HEPHL1: variants seen among roughly 807,000 people sequenced by gnomAD.
HEPHL1 encodes hephaestin like 1, also known as ferroxidase HEPHL1.
HEPHL1 carries 123 observed loss-of-function variants against 122.0 expected under a neutral mutation model. The ratio of observed to expected loss-of-function variants is 1.01; its 90% CI spans 0.87 to 1.17. The LOEUF (loss-of-function observed/expected upper bound fraction) is 1.17. Among genes scored for constraint, HEPHL1 ranks in the 50% most tolerant of loss-of-function variants. HEPHL1 has a pLI of 0.00. For missense variants in HEPHL1, 1,452 were observed against 1,430.5 expected (o/e 1.01, Z -0.24); for synonymous variants, 527 against 508.9 (o/e 1.04, Z -0.48).
At chr11:94,035,345 T>C (rs954534236) in intron 1 of HEPHL1, among the ~76,000 whole-genome samples, 1 of 152,230 alleles carries the variant, frequency 6.6e-6, no homozygotes, top group Non-Finnish European at 1.5e-5. Flanking sequence ...TTTTTTATTA[T>C]TGTACTCAAA....
At chr11:94,093,444 C>A in intron 12 of HEPHL1, 57 bp from the exon 13 acceptor site, 1 of 1,595,134 alleles carries the variant, frequency 6.3e-7, no homozygotes, top group Non-Finnish European at 8.6e-7. Flanking sequence ...CACTTAGAAG[C>A]GCTCAAAGCT....
intron 4 of HEPHL1, among the ~76,000 whole-genome samples, chr11:94,065,873 T>G (rs1328655216): frequency 6.6e-6 from 1 of 152,164 alleles, no homozygotes. Flanking sequence ...TAAGCAAACA[T>G]AGATTACATG....
chr11:94,048,405 G>A (rs1223138505), intron 2 of HEPHL1, among the ~76,000 whole-genome samples: 2 of 152,078 alleles, frequency 1.3e-5, no homozygotes, highest in Admixed American at 6.5e-5. Flanking sequence ...TGTCACTCAG[G>A]CTGGAGTGCA....
intron 9 of HEPHL1, among the ~76,000 whole-genome samples, chr11:94,076,491 C>T (rs1159484671): frequency 6.6e-6 from 1 of 152,048 alleles, no homozygotes; most frequent in Non-Finnish European, 1.5e-5. Context: ...GCTAATTTTG[C>T]CCCCGCTGTG....
intron 1 of HEPHL1, among the ~76,000 whole-genome samples, chr11:94,027,817 G>T (rs1260065439): frequency 2.0e-5 from 3 of 152,192 alleles, no homozygotes; most frequent in Non-Finnish European, 4.4e-5. Flanking sequence ...CATAGGTGGT[G>T]CCAGGGACCC....
At position 94,070,512 on chromosome 11, in the gene HEPHL1, T is replaced by A; in HGVS notation, c.1202T>A (p.Phe401Tyr). The change falls in exon 6 of 20, where the codon TTC (phenylalanine) becomes TAC (tyrosine). Residue 401 changes from phenylalanine to tyrosine, a missense_variant. Physicochemically the swap from Phe to Tyr is conservative, Grantham distance 22. Transcript: ENST00000315765. Reference protein sequence around the residue: ...WDYAPQGYNKFSGLPLNASGS... With the variant: ...WDYAPQGYNKYSGLPLNASGS... Reference sequence around the variant, plus strand: ...TATGCTCCTCAAGGCTATAACAAATTCAGTGGTCTTCCTCTAAACGCCTCT... The same window carrying A: ...TATGCTCCTCAAGGCTATAACAAATACAGTGGTCTTCCTCTAAACGCCTCT... The A allele has an allele frequency of 6.2e-7, 1 of 1,611,198 alleles. No individual in the cohort carries two copies. Among genetic ancestry groups the A allele is most frequent in the East Asian group, 2.2e-5 (1 of 44,814 alleles).
In HEPHL1 at chr11:94,067,527, G is replaced by C; in HGVS notation, c.840G>C (p.Pro280=). ...ALNGYLFGNF[P]EPDMCVGESV... ...ATGGATACCTCTTCGGAAACTTCCC[G>C]GAGCCTGATATGTGTGTTGGAGAAT... The change falls in exon 5 of 20, where the codon CCG becomes CCC. Residue 280 remains proline (P), a synonymous_variant. Coordinates refer to ENST00000315765, the MANE Select transcript of HEPHL1 (RefSeq NM_001098672.2). The C allele has an allele frequency of 6.2e-7, 1 of 1,613,534 alleles. No homozygotes were observed. The highest frequency in any genetic ancestry group is 8.5e-7 in the Non-Finnish European group (1 of 1,179,616).
intron 14 of HEPHL1, among the ~76,000 whole-genome samples, chr11:94,102,254 T>G (rs1946373204): frequency 6.6e-6 from 1 of 152,240 alleles, no homozygotes; most frequent in South Asian, 2.1e-4. Context: ...TTATTTCATT[T>G]AATCCTCACA....
In HEPHL1 at chr11:94,100,843, A is replaced by T. The variant is rs7942162; in HGVS notation, c.2435-352A>T. 8.5e-5 allele frequency among the ~76,000 whole-genome samples: 13 copies of T among 152,098 alleles called. No individual in the cohort carries two copies. The South Asian group carries it at 1.5e-3, about 17-fold the overall frequency. On this transcript the variant is annotated intron_variant, in intron 13 of 19. Coordinates refer to ENST00000315765, the MANE Select transcript of HEPHL1 (RefSeq NM_001098672.2). Reference sequence around the variant, plus strand: ...TACTTATGGTGTATCAGTGCACTGAAGTAAACACTTTTAGATACATTATCT... The same window carrying T: ...TACTTATGGTGTATCAGTGCACTGATGTAAACACTTTTAGATACATTATCT...
chr11:94,038,199 T>A (rs1248825074), intron 1 of HEPHL1, among the ~76,000 whole-genome samples: 5 of 151,208 alleles, frequency 3.3e-5, no homozygotes, highest in African/African-American at 7.3e-5. Context: ...GAGCAAAGCC[T>A]CCAAGAAATA....
At chr11:94,074,029 A>G (rs1946100655) in intron 8 of HEPHL1, among the ~76,000 whole-genome samples, 1 of 152,166 alleles carries the variant, frequency 6.6e-6, no homozygotes, top group Non-Finnish European at 1.5e-5. Context: ...TAATCCATTC[A>G]TGATACTGCT....
chr11:94,061,946 A>G (rs1945988000), intron 2 of HEPHL1, among the ~76,000 whole-genome samples: 1 of 152,106 alleles, frequency 6.6e-6, no homozygotes, highest in African/African-American at 2.4e-5. Flanking sequence ...GTATAAGCTA[A>G]TTATATTGAC....
chr11:94,108,209 T>A lies in HEPHL1; in HGVS notation c.3045+2079T>A, dbSNP rs1039414780. On this transcript the variant is annotated intron_variant, in intron 17 of 19. Transcript: ENST00000315765. ...TTTACCATCTGTCATCTGTAAATCTTTGGTGAAGTGTCCAAATTGTAAGCC... is the reference window on the plus strand; with the variant it reads ...TTTACCATCTGTCATCTGTAAATCTATGGTGAAGTGTCCAAATTGTAAGCC... 2.0e-5 allele frequency among the ~76,000 whole-genome samples: 3 copies of A among 152,250 alleles called. No homozygotes were observed. In the South Asian group the frequency reaches 6.2e-4, roughly 32 times the overall value.
chr11:94,073,240 C>A, intron 7 of HEPHL1, 68 bp from the exon 8 acceptor site: 1 of 1,605,138 alleles, frequency 6.2e-7, no homozygotes, highest in East Asian at 2.2e-5. Context: ...CACAGAATGA[C>A]TCTTCTGCTT....
intron 12 of HEPHL1, among the ~76,000 whole-genome samples, chr11:94,091,547 G>A (rs1166647854): frequency 6.6e-6 from 1 of 152,208 alleles, no homozygotes; most frequent in African/African-American, 2.4e-5. Flanking sequence ...GCTAGACATT[G>A]TGCAATGTGC....
chr11:94,067,989 A>G lies in HEPHL1; in HGVS notation c.1063+239A>G, dbSNP rs1262706088. ...TGATTAAAAATTGATGAGACCTTCG[A>G]GGAACCTGTAGTATAGTTGTTAGAC... On this transcript the variant is annotated intron_variant, in intron 5 of 19. Coordinates refer to ENST00000315765, the MANE Select transcript of HEPHL1 (RefSeq NM_001098672.2). Among the ~76,000 whole-genome samples the G allele has an allele frequency of 2.0e-5, 3 of 152,232 alleles. No homozygotes were observed. In the East Asian group the frequency reaches 5.8e-4, roughly 29 times the overall value.
chr11:94,085,169 G>A (rs1946206341), intron 10 of HEPHL1, among the ~76,000 whole-genome samples: 1 of 152,148 alleles, frequency 6.6e-6, no homozygotes, highest in African/African-American at 2.4e-5. Flanking sequence ...TTATATCATG[G>A]CTTTCATCCC....
rs990835505 is a variant in HEPHL1 at position 94,104,734 on chromosome 11, A to T, written c.2889A>T (p.Glu963Asp). The T allele has an allele frequency of 3.1e-5, 50 of 1,612,668 alleles. No individual in the cohort carries two copies. Among genetic ancestry groups the T allele is most frequent in the Non-Finnish European group, 4.1e-5 (48 of 1,178,868 alleles). ...TTAAGCGCACTGATGATTTTGAGGA[A>T]AGCAACAGAATGCATGGTATATCCA... ...RDFKRTDDFE[E>D]SNRMHAINGK... Residue 963 changes from glutamate (E) to aspartate (D), a missense_variant, in exon 16 of 20, where the codon GAA (glutamate) becomes GAT (aspartate). Transcript: ENST00000315765.
chr11:94,047,934 A>T (rs983605397), intron 2 of HEPHL1, among the ~76,000 whole-genome samples: 2 of 152,182 alleles, frequency 1.3e-5, no homozygotes, highest in Non-Finnish European at 2.9e-5. Flanking sequence ...CATTAATTAC[A>T]TCCACAAGGT....
Sources: allele counts gnomAD v4.1 joint callset (sites outside exome capture counted in the v4.1 genomes callset), GRCh38; gene constraint gnomAD v4.1.1; transcripts MANE v1.5; gene names NCBI Gene and HGNC (gene_info 2026-07-23, HGNC 2026-07-21).